The following B3GALT1 variants were observed in gnomAD, a reference collection of about 807,000 sequenced individuals.
The protein encoded by B3GALT1 is beta-1,3-galactosyltransferase 1.
A neutral mutation model predicts 23.2 loss-of-function variants in B3GALT1; 10 were observed. The ratio of observed to expected loss-of-function variants is 0.43; its 90% CI spans 0.27 to 0.73. The LOEUF is 0.73. Among genes scored for constraint, B3GALT1 ranks in the 30% least tolerant of loss-of-function variants. B3GALT1 has a pLI of 0.21. For synonymous variants in B3GALT1, 156 were observed against 141.5 expected (o/e 1.10, Z -0.73); for missense variants, 299 against 405.4 (o/e 0.74, Z 2.25).
chr2:167,774,208 G>A (rs1688119482), intron 3 of B3GALT1, among the ~76,000 whole-genome samples: 1 of 152,096 alleles, frequency 6.6e-6, no homozygotes, highest in African/African-American at 2.4e-5. Context: ...GACCCAGTAT[G>A]TTCAAATTCT....
chr2:167,699,112 C>T lies in B3GALT1; in HGVS notation c.-352+52146C>T, dbSNP rs564562406. ...GCCAAAAGGGAATTTCTAACTTTTT[C>T]GGTTACGGGAAAGATACCACAGGAT... On this transcript the variant is annotated intron_variant, in intron 3 of 4. Coordinates refer to ENST00000392690, the MANE Select transcript of B3GALT1 (RefSeq NM_020981.4). 5.9e-5 allele frequency among the ~76,000 whole-genome samples: 9 copies of T among 152,228 alleles called. 1 individual carries two copies. Among genetic ancestry groups the T allele is most frequent in the African/African-American group, 1.9e-4 (8 of 41,548 alleles).
chr2:167,865,071 G>A (rs945382989), intron 4 of B3GALT1, among the ~76,000 whole-genome samples: 2 of 151,866 alleles, frequency 1.3e-5, no homozygotes, highest in African/African-American at 2.4e-5. Context: ...CTATGTTTAT[G>A]CAGTCCCTTC....
chr2:167,798,771 T>C (rs1291099602), intron 3 of B3GALT1, among the ~76,000 whole-genome samples: 1 of 152,200 alleles, frequency 6.6e-6, no homozygotes, highest in Non-Finnish European at 1.5e-5. Flanking sequence ...TTGAAGCTCT[T>C]TTTTGGTTTG....
chr2:167,624,481 C>T (rs185623572), intron 2 of B3GALT1, among the ~76,000 whole-genome samples: 1 of 152,156 alleles, frequency 6.6e-6, no homozygotes, highest in East Asian at 1.9e-4. Context: ...CTGTGCTAAG[C>T]ATTTTACATA....
chr2:167,295,036 A>G (rs574774330), intron 1 of B3GALT1, among the ~76,000 whole-genome samples: 1 of 152,316 alleles, frequency 6.6e-6, no homozygotes, highest in Admixed American at 6.5e-5. Flanking sequence ...GTTATTTTTC[A>G]TTGTAAAGAT....
At chr2:167,676,287 T>C (rs1266725830) in intron 3 of B3GALT1, among the ~76,000 whole-genome samples, 1 of 152,136 alleles carries the variant, frequency 6.6e-6, no homozygotes, top group Non-Finnish European at 1.5e-5. Context: ...TTTGTTTTGC[T>C]TTTTTAACAT....
intron 1 of B3GALT1, among the ~76,000 whole-genome samples, chr2:167,331,555 G>T (rs189284973): frequency 3.4e-4 from 52 of 152,204 alleles, no homozygotes; most frequent in Non-Finnish European, 7.3e-5. Flanking sequence ...AGCTGTAATA[G>T]TTGTGGCAGG....
intron 4 of B3GALT1, among the ~76,000 whole-genome samples, chr2:167,827,591 C>G (rs34809127): frequency 0.11 from 17,002 of 152,204 alleles, 1,251 homozygotes; most frequent in East Asian, 0.23. Flanking sequence ...CACCCCACCC[C>G]TTCCCTCTCT....
At chr2:167,452,483 G>T (rs1172795489) in intron 1 of B3GALT1, among the ~76,000 whole-genome samples, 2 of 152,140 alleles carry the variant, frequency 1.3e-5, no homozygotes, top group East Asian at 3.9e-4. Flanking sequence ...CCCAGTGAGG[G>T]TGTGTGTATG....
chr2:167,670,383 G>A (rs1409586470), intron 3 of B3GALT1, among the ~76,000 whole-genome samples: 1 of 152,180 alleles, frequency 6.6e-6, no homozygotes, highest in African/African-American at 2.4e-5. Context: ...CAAGTCTTTA[G>A]CCAAGCTGAT....
intron 3 of B3GALT1, among the ~76,000 whole-genome samples, chr2:167,722,583 C>G (rs773551319): frequency 1.3e-5 from 2 of 152,142 alleles, no homozygotes; most frequent in Non-Finnish European, 2.9e-5. Context: ...CCTGCGTATC[C>G]TTAATACCAC....
intron 2 of B3GALT1, among the ~76,000 whole-genome samples, chr2:167,604,948 T>G (rs897121705): frequency 6.6e-6 from 1 of 152,226 alleles, no homozygotes; most frequent in African/African-American, 2.4e-5. Context: ...GTCCTGCTTT[T>G]TATAGTCATT....
intron 3 of B3GALT1, among the ~76,000 whole-genome samples, chr2:167,686,874 G>A (rs947329240): frequency 2.0e-5 from 3 of 152,164 alleles, no homozygotes; most frequent in Non-Finnish European, 2.9e-5. Flanking sequence ...TGAGCAGCAC[G>A]TCAGGCCCTC....
intron 1 of B3GALT1, among the ~76,000 whole-genome samples, chr2:167,414,563 T>C (rs1437398069): frequency 6.6e-6 from 1 of 152,168 alleles, no homozygotes; most frequent in African/African-American, 2.4e-5. Flanking sequence ...AAATCCTGTA[T>C]TTCAATGCAG....
chr2:167,772,756 A>G (rs903229192), intron 3 of B3GALT1, among the ~76,000 whole-genome samples: 2 of 152,232 alleles, frequency 1.3e-5, no homozygotes, highest in Admixed American at 6.5e-5. Flanking sequence ...TTTCAAATGT[A>G]TGACACACTA....
chr2:167,359,611 C>A (rs1289372393), intron 1 of B3GALT1, among the ~76,000 whole-genome samples: 1 of 152,136 alleles, frequency 6.6e-6, no homozygotes, highest in Non-Finnish European at 1.5e-5. Flanking sequence ...AGGGCCTCCT[C>A]CTGGCTAACC....
chr2:167,749,510 G>T (rs1271389920), intron 3 of B3GALT1, among the ~76,000 whole-genome samples: 1 of 152,140 alleles, frequency 6.6e-6, no homozygotes, highest in Non-Finnish European at 1.5e-5. Context: ...CATATGTGAG[G>T]CTTCGTTCAT....
chr2:167,855,030 C>T (rs62195016), intron 4 of B3GALT1, among the ~76,000 whole-genome samples: 10,382 of 152,172 alleles, frequency 0.068, 474 homozygotes, highest in Middle Eastern at 0.1. Flanking sequence ...TTTGTAGATA[C>T]CTTAATATTG....
chr2:167,404,195 C>T (rs897198674), intron 1 of B3GALT1, among the ~76,000 whole-genome samples: 17 of 152,144 alleles, frequency 1.1e-4, no homozygotes, highest in African/African-American at 3.9e-4. Context: ...AGGCAGGTGC[C>T]AGGCTTTCAA....
Sources: allele counts gnomAD v4.1 joint callset (sites outside exome capture counted in the v4.1 genomes callset), GRCh38; gene constraint gnomAD v4.1.1; transcripts MANE v1.5; gene names NCBI Gene and HGNC (gene_info 2026-07-23, HGNC 2026-07-21).